HYCC1: variants seen among roughly 807,000 people sequenced by gnomAD.
HYCC1 encodes hyccin.
chr7:22,974,527 T>C, the HYCC1 span, among the ~76,000 whole-genome samples: 5 of 152,208 alleles, frequency 3.3e-5, no homozygotes, highest in African/African-American at 1.2e-4. Context: ...GGTTAGGAAA[T>C]GTAATTATGC....
the HYCC1 span, among the ~76,000 whole-genome samples, chr7:22,992,128 A>T: frequency 7.5e-6 from 1 of 133,012 alleles, no homozygotes; most frequent in African/African-American, 2.8e-5. Context: ...ATCACTATGC[A>T]ATATTATTAT....
chr7:22,978,575 T>A, the HYCC1 span: 5 of 766,850 alleles, frequency 6.5e-6, no homozygotes, highest in Non-Finnish European at 1.1e-5. Context: ...AATAGCTAAG[T>A]TGTAGGGAGT....
the HYCC1 span, among the ~76,000 whole-genome samples, chr7:22,970,192 A>G: frequency 6.6e-6 from 1 of 152,250 alleles, no homozygotes; most frequent in Admixed American, 6.5e-5. Flanking sequence ...ATAAGTGATC[A>G]TCTATCAGAG....
the HYCC1 span, chr7:22,937,506 T>G: frequency 6.6e-6 from 1 of 152,200 alleles, no homozygotes; most frequent in African/African-American, 2.4e-5. Flanking sequence ...TCTCAAAACA[T>G]TTTTATGCAG....
the HYCC1 span, among the ~76,000 whole-genome samples, chr7:22,977,748 A>G: frequency 1.3e-5 from 2 of 152,322 alleles, no homozygotes; most frequent in Middle Eastern, 3.4e-3. Flanking sequence ...TGTGAAGAAA[A>G]TGACCTTATA....
chr7:22,918,093 T>C, the HYCC1 span, among the ~76,000 whole-genome samples: 1 of 152,116 alleles, frequency 6.6e-6, no homozygotes, highest in Non-Finnish European at 1.5e-5. Flanking sequence ...CTAAAATCAA[T>C]CTAGCCTGGT....
At chr7:23,006,145 G>T in the HYCC1 span, among the ~76,000 whole-genome samples, 1 of 152,052 alleles carries the variant, frequency 6.6e-6, no homozygotes, top group Non-Finnish European at 1.5e-5. Context: ...GTGCAGTCTG[G>T]GTGTGCTGAT....
the HYCC1 span, among the ~76,000 whole-genome samples, chr7:22,965,751 C>T: frequency 1.3e-5 from 2 of 152,032 alleles, no homozygotes; most frequent in African/African-American, 2.4e-5. Flanking sequence ...CTCAACCTCC[C>T]CAGTACAGGT....
the HYCC1 span, among the ~76,000 whole-genome samples, chr7:22,955,478 T>G: frequency 6.6e-6 from 1 of 151,700 alleles, no homozygotes; most frequent in East Asian, 1.9e-4. Flanking sequence ...GATAAGCCTT[T>G]TGATTAGTTG....
At chr7:22,921,134 T>C in the HYCC1 span, among the ~76,000 whole-genome samples, 25 of 152,324 alleles carry the variant, frequency 1.6e-4, no homozygotes, top group African/African-American at 6.0e-4. Context: ...TATTTCTTTA[T>C]AGCAATGCAA....
At chr7:22,991,133 C>T in the HYCC1 span, 7 of 1,598,856 alleles carry the variant, frequency 4.4e-6, no homozygotes, top group Admixed American at 1.7e-5. Flanking sequence ...TGTTCTAAAC[C>T]TTCAACCTGA....
chr7:23,007,592 G>A, the HYCC1 span, among the ~76,000 whole-genome samples: 2 of 152,062 alleles, frequency 1.3e-5, no homozygotes, highest in African/African-American at 4.8e-5. Context: ...TGCAAAAATG[G>A]AAACATGGAA....
At chr7:22,994,475 G>C in the HYCC1 span, among the ~76,000 whole-genome samples, 1 of 152,106 alleles carries the variant, frequency 6.6e-6, no homozygotes, top group African/African-American at 2.4e-5. Context: ...GGTTACTCAA[G>C]TGTATACATT....
chr7:22,962,454 G>C, the HYCC1 span, among the ~76,000 whole-genome samples: 1 of 151,884 alleles, frequency 6.6e-6, no homozygotes, highest in Non-Finnish European at 1.5e-5. Flanking sequence ...TGTGAGAAAA[G>C]TACAAAGAGC....
the HYCC1 span, among the ~76,000 whole-genome samples, chr7:23,004,411 G>A: frequency 1.3e-5 from 2 of 152,082 alleles, no homozygotes; most frequent in Admixed American, 1.3e-4. Flanking sequence ...TAAATTCTTT[G>A]GAGCTCTATA....
At chr7:22,990,006 C>T in the HYCC1 span, among the ~76,000 whole-genome samples, 1 of 152,122 alleles carries the variant, frequency 6.6e-6, no homozygotes, top group African/African-American at 2.4e-5. Context: ...ACAAAACATC[C>T]CACTCTTGCC....
At chr7:22,904,405 T>C in the HYCC1 span, among the ~76,000 whole-genome samples, 1 of 147,286 alleles carries the variant, frequency 6.8e-6, no homozygotes, top group African/African-American at 2.5e-5. Context: ...CACTCCAGCC[T>C]GGGCAACAGA....
the HYCC1 span, among the ~76,000 whole-genome samples, chr7:23,002,155 T>TACAAATATATATATATATATACAA: frequency 3.8e-5 from 1 of 26,412 alleles, no homozygotes; most frequent in East Asian, 2.7e-3. Context: ...TATATATATA[T>TACAAATATATATATATATATACAA]ATATATATAT....
At chr7:22,989,486 T>C in the HYCC1 span, among the ~76,000 whole-genome samples, 1 of 152,046 alleles carries the variant, frequency 6.6e-6, no homozygotes, top group African/African-American at 2.4e-5. Context: ...TAGCTGGGGC[T>C]ACAGGCATGC....
Sources: allele counts gnomAD v4.1 joint callset (sites outside exome capture counted in the v4.1 genomes callset), GRCh38; gene constraint gnomAD v4.1.1; transcripts MANE v1.5; gene names NCBI Gene and HGNC (gene_info 2026-07-23, HGNC 2026-07-21).